Variants in MAPT observed in about 807,000 individuals in gnomAD.
MAPT encodes the protein microtubule associated protein tau.
A neutral mutation model predicts 67.9 loss-of-function variants in MAPT; 34 were observed. That is an observed-to-expected ratio of 0.50 (90% CI 0.38 to 0.67). The LOEUF (loss-of-function observed/expected upper bound fraction) is 0.67. MAPT is among the 30% of genes least tolerant of loss of function. The pLI is 0.00. For missense variants in MAPT, 881 were observed against 1,115.2 expected (o/e 0.79, Z 2.99); for synonymous variants, 456 against 464.5 (o/e 0.98, Z 0.23).
intron 1 of MAPT, among the ~76,000 whole-genome samples, chr17:45,937,701 A>C (rs968551008): frequency 6.6e-6 from 1 of 151,802 alleles, no homozygotes; most frequent in African/African-American, 2.4e-5. Flanking sequence ...GGCGGCCGTC[A>C]TTCTGGGGCC....
chr17:45,922,960 G>A (rs2065897893), intron 1 of MAPT, among the ~76,000 whole-genome samples: 2 of 152,226 alleles, frequency 1.3e-5, no homozygotes, highest in South Asian at 2.1e-4. Flanking sequence ...GCCCTGTGGC[G>A]AGTGACAGAG....
chr17:45,923,789 C>T (rs1048582377), intron 1 of MAPT, among the ~76,000 whole-genome samples: 2 of 152,220 alleles, frequency 1.3e-5, no homozygotes, highest in Admixed American at 1.3e-4. Flanking sequence ...TTCGTGCACA[C>T]ACTCTAGAGC....
At chr17:45,928,523 C>T in intron 1 of MAPT, among the ~76,000 whole-genome samples, 1 of 152,176 alleles carries the variant, frequency 6.6e-6, no homozygotes, top group East Asian at 1.9e-4. Flanking sequence ...ACCTATGTCA[C>T]TCATTGCTGT....
chr17:46,020,124 G>A (rs1416409933), intron 12 of MAPT, among the ~76,000 whole-genome samples: 3 of 152,052 alleles, frequency 2.0e-5, no homozygotes, highest in African/African-American at 7.2e-5. Flanking sequence ...AACAAGTCAT[G>A]GGAACATAAC....
chr17:45,973,745 T>C (rs1022357287), intron 3 of MAPT: 1 of 152,764 alleles, frequency 6.5e-6, no homozygotes, highest in African/African-American at 2.4e-5. Context: ...AGCCGAGCTT[T>C]CCCTCCTGCC....
At chr17:46,000,141 C>T (rs754974585) in intron 9 of MAPT, among the ~76,000 whole-genome samples, 1 of 152,170 alleles carries the variant, frequency 6.6e-6, no homozygotes, top group Non-Finnish European at 1.5e-5. Flanking sequence ...ATCCCTCAAC[C>T]GTGCCGGAAC....
At chr17:45,988,518 G>A (rs1598294102) in intron 6 of MAPT, among the ~76,000 whole-genome samples, 1 of 152,102 alleles carries the variant, frequency 6.6e-6, no homozygotes, top group African/African-American at 2.4e-5. Context: ...CCCCAGCCCC[G>A]CCTCCATAGG....
intron 1 of MAPT, among the ~76,000 whole-genome samples, chr17:45,953,703 G>GGAAGGA (rs1257793300): frequency 6.6e-6 from 1 of 152,146 alleles, no homozygotes; most frequent in South Asian, 2.1e-4. Context: ...GAGGGGGAGG[G>GGAAGGA]GAAGGAGGGA....
At chr17:45,912,940 A>C (rs2064903063) in intron 1 of MAPT, among the ~76,000 whole-genome samples, 1 of 152,222 alleles carries the variant, frequency 6.6e-6, no homozygotes. Flanking sequence ...ACCTCTAGAC[A>C]AAAGAGAGGG....
At chr17:45,993,347 T>G (rs920180572) in intron 8 of MAPT, among the ~76,000 whole-genome samples, 1 of 152,232 alleles carries the variant, frequency 6.6e-6, no homozygotes, top group African/African-American at 2.4e-5. Flanking sequence ...GACAGGATTT[T>G]AAGTAGCGTT....
Position 45,938,544 on chromosome 17 carries a change from C to T in MAPT, c.-17-23777C>T, listed in dbSNP as rs113316872. ...CTTAATTCCATCTACAACCCCAATTCCTCTTTGCCATGTACAGTGACATAT... is the reference window on the plus strand; with the variant it reads ...CTTAATTCCATCTACAACCCCAATTTCTCTTTGCCATGTACAGTGACATAT... On this transcript the variant is annotated intron_variant, in intron 1 of 12. Transcript: ENST00000262410. 2.1e-3 allele frequency among the ~76,000 whole-genome samples: 322 copies of T among 152,296 alleles called. 3 individuals carry two copies. The highest frequency in any genetic ancestry group is 7.3e-3 in the African/African-American group (302 of 41,552).
intron 1 of MAPT, among the ~76,000 whole-genome samples, chr17:45,958,724 AG>A (rs1474113014): frequency 4.5e-5 from 5 of 112,028 alleles, no homozygotes; most frequent in South Asian, 2.4e-4. Flanking sequence ...CTGACTTAAA[AG>A]AAAAAAAAAA....
intron 4 of MAPT, among the ~76,000 whole-genome samples, chr17:45,982,290 C>A (rs936337140): frequency 7.4e-6 from 1 of 135,158 alleles, no homozygotes; most frequent in Non-Finnish European, 1.5e-5. Flanking sequence ...CCACTGTACT[C>A]CAGCCTGGGC....
intron 1 of MAPT, among the ~76,000 whole-genome samples, chr17:45,933,000 T>C (rs1301229143): frequency 6.6e-6 from 1 of 152,100 alleles, no homozygotes; most frequent in Non-Finnish European, 1.5e-5. Flanking sequence ...GAGAATCTCT[T>C]GAACCCAGGA....
intron 1 of MAPT, among the ~76,000 whole-genome samples, chr17:45,951,340 C>T (rs757204284): frequency 6.6e-6 from 1 of 152,154 alleles, no homozygotes; most frequent in Non-Finnish European, 1.5e-5. Context: ...CATTTTAAAT[C>T]GTTCTTTACG....
rs187517901 is a variant in MAPT, at chr17:45,971,406, C to G, written c.134-453C>G. On this transcript the variant is annotated intron_variant, in intron 2 of 12. Coordinates refer to ENST00000262410, the MANE Select transcript of MAPT (RefSeq NM_001377265.1). This position sits in a 1 kb window ranked among gnomAD's most constrained non-coding sequence, Gnocchi z 4.3. ...GTCCACTTAGAAGTAAGCACCGTGTCTGCCCTGAGCTGACTCCTTTTCCAA... is the reference window on the plus strand; with the variant it reads ...GTCCACTTAGAAGTAAGCACCGTGTGTGCCCTGAGCTGACTCCTTTTCCAA... 5.9e-4 allele frequency among the ~76,000 whole-genome samples: 90 copies of G among 152,336 alleles called. No homozygotes were observed. The highest frequency in any genetic ancestry group is 2.1e-3 in the African/African-American group (87 of 41,578).
chr17:45,973,865 G>C (rs982940840), intron 3 of MAPT: 2 of 162,120 alleles, frequency 1.2e-5, no homozygotes, highest in Non-Finnish European at 2.7e-5. Context: ...TGGGTCATGG[G>C]CTTGGATTTA....
intron 1 of MAPT, among the ~76,000 whole-genome samples, chr17:45,911,260 T>A (rs1353302196): frequency 6.6e-6 from 1 of 152,204 alleles, no homozygotes; most frequent in Non-Finnish European, 1.5e-5. Context: ...GCATAGCGCA[T>A]GGCACAGAAT....
intron 1 of MAPT, among the ~76,000 whole-genome samples, chr17:45,905,444 C>T (rs953701782): frequency 1.3e-5 from 2 of 151,810 alleles, no homozygotes; most frequent in African/African-American, 4.8e-5. Context: ...TCATTAAGTG[C>T]TATAAATAAT....
Sources: gnomAD v4.1 joint callset for allele counts (sites outside exome capture counted in the v4.1 genomes callset) on GRCh38, gnomAD v4.1.1 for gene constraint, Gnocchi (gnomAD v3.1) non-coding constraint, MANE v1.5 for transcripts, NCBI Gene and HGNC (gene_info 2026-07-23, HGNC 2026-07-21) for gene names.